Variants in USP39 observed in about 807,000 individuals in gnomAD.
USP39 encodes ubiquitin carboxyl-terminal hydrolase 39.
In USP39, 38 loss-of-function variants were observed where a neutral mutation model predicts 66.4. The ratio of observed to expected loss-of-function variants is 0.57; its 90% confidence interval spans 0.44 to 0.75. The LOEUF is 0.75. Ranked by LOEUF, USP39 falls within the 30% of genes least tolerant of loss-of-function variation. The pLI is 0.00. For missense variants in USP39, 608 were observed against 714.4 expected (o/e 0.85, Z 1.70); for synonymous variants, 303 against 274.6 (o/e 1.10, Z -1.02).
upstream of USP39, among the ~76,000 whole-genome samples, chr2:85,615,011 TGTGGTGTG>T (rs1445704187): frequency 6.6e-6 from 1 of 151,256 alleles, no homozygotes; most frequent in Non-Finnish European, 1.5e-5. Flanking sequence ...TGTGGTGTGG[TGTGGTGTG>T]GTGTGGTGTG....
chr2:85,632,670 G>A (rs1455853053), intron 6 of USP39, among the ~76,000 whole-genome samples: 1 of 151,926 alleles, frequency 6.6e-6, no homozygotes, highest in African/African-American at 2.4e-5. Context: ...GGCAGGTCTC[G>A]AGCTCCTGAC....
At chr2:85,616,009 G>T (rs951044176), upstream of USP39, 3 of 1,202,192 alleles carry the variant, frequency 2.5e-6, no homozygotes, top group African/African-American at 1.6e-5. Context: ...GCCCACAGAA[G>T]GTTCTAAGGG....
chr2:85,618,921 C>T (rs893989640), intron 1 of USP39, among the ~76,000 whole-genome samples: 1 of 152,114 alleles, frequency 6.6e-6, no homozygotes, highest in Non-Finnish European at 1.5e-5. Context: ...AGGCACCCAC[C>T]ACCATGCCTG....
chr2:85,642,474 A>G (rs919548098), intron 10 of USP39, among the ~76,000 whole-genome samples: 6 of 152,188 alleles, frequency 3.9e-5, no homozygotes, highest in African/African-American at 7.2e-5. Context: ...TTGTGTATCA[A>G]TGGTACTTCC....
chr2:85,616,138 G>T (rs995313477), upstream of USP39: 52 of 1,403,310 alleles, frequency 3.7e-5, no homozygotes, highest in Non-Finnish European at 4.6e-5. Flanking sequence ...GATTGGCCTT[G>T]TGCCGCGCGC....
intron 12 of USP39, among the ~76,000 whole-genome samples, chr2:85,648,551 C>T (rs955509885): frequency 1.3e-5 from 2 of 152,170 alleles, no homozygotes; most frequent in Non-Finnish European, 2.9e-5. Flanking sequence ...AAAGCCATAG[C>T]TTTGTAAGAA....
intron 9 of USP39, chr2:85,639,594 A>G (rs772088221): frequency 4.2e-5 from 20 of 477,662 alleles, no homozygotes; most frequent in Non-Finnish European, 6.2e-5. Flanking sequence ...AGCTGGGATT[A>G]CAGACATCCG....
intron 2 of USP39, among the ~76,000 whole-genome samples, chr2:85,620,278 T>C (rs1674359880): frequency 6.6e-6 from 1 of 151,916 alleles, no homozygotes; most frequent in South Asian, 2.1e-4. Flanking sequence ...CTCAGGAGTT[T>C]GAGCATCCTG....
chr2:85,648,300 G>A (rs1483327075), intron 12 of USP39, among the ~76,000 whole-genome samples: 1 of 152,182 alleles, frequency 6.6e-6, no homozygotes, highest in Non-Finnish European at 1.5e-5. Context: ...GTCTGGTTTC[G>A]AGGAGGAAGA....
chr2:85,635,475 G>A (rs971436997), intron 6 of USP39, among the ~76,000 whole-genome samples: 2 of 152,072 alleles, frequency 1.3e-5, no homozygotes, highest in African/African-American at 2.4e-5. Flanking sequence ...TGGGAGAATC[G>A]CTTGAACCCA....
At chr2:85,630,292 C>T (rs1675220315) in intron 5 of USP39, among the ~76,000 whole-genome samples, 1 of 152,090 alleles carries the variant, frequency 6.6e-6, no homozygotes, top group Non-Finnish European at 1.5e-5. Context: ...GATGGGAGAA[C>T]TGTGTTTCCT....
upstream of USP39, among the ~76,000 whole-genome samples, chr2:85,615,539 T>G (rs1391995841): frequency 6.6e-6 from 1 of 152,088 alleles, no homozygotes; most frequent in Non-Finnish European, 1.5e-5. Context: ...TGTCGCCTAG[T>G]TTTCCTGTGC....
chr2:85,609,065 A>G, upstream of USP39: 2 of 1,613,964 alleles, frequency 1.2e-6, no homozygotes, highest in Non-Finnish European at 8.5e-7. Context: ...CTGGGTCATC[A>G]CCCTACGTGG....
chr2:85,621,694 G>T, intron 3 of USP39, 115 bp downstream of exon 3: 1 of 852,450 alleles, frequency 1.2e-6, no homozygotes, highest in Non-Finnish European at 1.8e-6. Context: ...TTTGTTCCCA[G>T]GAAATTGAAA....
At chr2:85,628,278 TGGGACTACA>T in intron 5 of USP39, among the ~76,000 whole-genome samples, 1 of 152,222 alleles carries the variant, frequency 6.6e-6, no homozygotes, top group Middle Eastern at 3.4e-3. Context: ...CCCGAGTAGC[TGGGACTACA>T]GGTGCGTGCC....
Position 85,639,344 on chromosome 2 carries a change from G to C in USP39, c.1237G>C (p.Val413Leu). 6.2e-7 allele frequency: 1 copy of C among 1,613,940 alleles called. No homozygotes were observed. Among genetic ancestry groups the C allele is most frequent in the Non-Finnish European group, 8.5e-7 (1 of 1,180,000 alleles). ...GAAGGAGCAGCTCATCATTCCCCAA[G>C]TGCCACTCTTCAACATCCTGGCTAA... is the stretch of plus-strand genomic sequence containing the variant. ...DEKEQLIIPQVPLFNILAKFN... is the reference protein window; with the variant it reads ...DEKEQLIIPQLPLFNILAKFN... The change falls in exon 9 of 13, where the codon GTG (valine) becomes CTG (leucine). Residue 413 changes from valine (V) to leucine (L), a missense_variant. By Grantham distance (32) the Val-to-Leu change is conservative. Coordinates refer to ENST00000323701, the MANE Select transcript of USP39 (RefSeq NM_006590.4).
At chr2:85,635,632 T>C (rs914827876) in intron 6 of USP39, among the ~76,000 whole-genome samples, 1 of 152,148 alleles carries the variant, frequency 6.6e-6, no homozygotes, top group African/African-American at 2.4e-5. Flanking sequence ...CATGGAATAT[T>C]GTCAATCTGC....
At chr2:85,646,081 ACT>A (rs1480638465) in intron 11 of USP39, 1 of 152,094 alleles carries the variant, frequency 6.6e-6, no homozygotes, top group East Asian at 1.9e-4. Context: ...AGAAATGCAG[ACT>A]CTCAGTCCCC....
In USP39 at chr2:85,639,196, T is replaced by G. The variant is rs1331461285; in HGVS notation, c.1096-7T>G. On this transcript the variant is annotated splice_polypyrimidine_tract_variant and splice_region_variant and intron_variant, in intron 8 of 12. Coordinates refer to ENST00000323701, the MANE Select transcript of USP39 (RefSeq NM_006590.4). ...CTTTCCTCTCTTTTCTTCTCATTCA[T>G]TTCTAGCCAGCAGAAGAAAAAGAGC... The G allele has an allele frequency of 6.2e-7, 1 of 1,610,854 alleles. No homozygotes were observed. The highest frequency in any genetic ancestry group is 8.5e-7 in the Non-Finnish European group (1 of 1,178,032).
Sources: gnomAD v4.1 joint callset for allele counts (sites outside exome capture counted in the v4.1 genomes callset) on GRCh38, gnomAD v4.1.1 for gene constraint, MANE v1.5 for transcripts, NCBI Gene and HGNC (gene_info 2026-07-23, HGNC 2026-07-21) for gene names.